PSG8: variants seen among roughly 807,000 people sequenced by gnomAD.
The protein encoded by PSG8 is pregnancy-specific beta-1-glycoprotein 8.
In PSG8, 57 loss-of-function variants were observed where a neutral mutation model predicts 42.5. The ratio of observed to expected loss-of-function variants is 1.34; its 90% CI spans 1.08 to 1.67. The LOEUF (loss-of-function observed/expected upper bound fraction) is 1.67, where lower values mean the gene tolerates loss of function less well. PSG8 is among the 40% of genes most tolerant of loss of function. The pLI, the probability that PSG8 is intolerant of heterozygous loss-of-function variation, is 0.00. For missense variants in PSG8, 783 were observed against 518.6 expected, an observed-to-expected ratio of 1.51 and a Z score of -4.95; for synonymous variants, 280 against 196.8, an observed-to-expected ratio of 1.42 and a Z score of -3.54.
rs149617852 is a variant in PSG8, at chr19:42,764,253, G to A, written c.93C>T (p.Pro31=). The change falls in exon 2 of 5, where the codon CCC becomes CCT. Residue 31 remains proline (P), a synonymous_variant. Coordinates refer to ENST00000306511, the MANE Select transcript of PSG8 (RefSeq NM_182707.3). The stretch of plus-strand genomic sequence containing the variant: ...CTTCAATCGTGACTTGGGCAGTCGT[G>A]GGTGGGTTCCAGAAGTTTAAAAGTG... ...TASLLNFWNP[P]TTAQVTIEAQ... 71 of 1,613,594 alleles carry A rather than the reference G, an allele frequency of 4.4e-5. 1 individual carries two copies. The highest frequency in any genetic ancestry group is 1.7e-4 in the Middle Eastern group (1 of 6,040).
At chr19:42,759,690 G>T (rs929794588) in intron 2 of PSG8, among the ~76,000 whole-genome samples, 6 of 152,194 alleles carry the variant, frequency 3.9e-5, no homozygotes, top group Middle Eastern at 3.4e-3. Flanking sequence ...AAGTTGTCAG[G>T]AGTTTAGACC....
intron 1 of PSG8, among the ~76,000 whole-genome samples, chr19:42,764,842 G>T (rs1043084118): frequency 5.3e-5 from 8 of 152,038 alleles, no homozygotes; most frequent in Non-Finnish European, 1.0e-4. Context: ...GACTCCTGTA[G>T]ATGTGAGAGT....
chr19:42,761,052 G>A (rs188679008), intron 2 of PSG8, among the ~76,000 whole-genome samples: 4 of 152,204 alleles, frequency 2.6e-5, no homozygotes, highest in East Asian at 3.9e-4. Flanking sequence ...AGTCATGGGC[G>A]AAATGAGCCC....
chr19:42,763,318 C>T (rs1429048986), intron 2 of PSG8, among the ~76,000 whole-genome samples: 1 of 152,154 alleles, frequency 6.6e-6, no homozygotes, highest in African/African-American at 2.4e-5. Context: ...GTCCTCTCCA[C>T]TCTGAGTGTC....
At chr19:42,764,590 C>T (rs1389394824) in intron 1 of PSG8, among the ~76,000 whole-genome samples, 1 of 152,032 alleles carries the variant, frequency 6.6e-6, no homozygotes, top group African/African-American at 2.4e-5. Context: ...CTCCACACTG[C>T]CCTCAGGTCC....
chr19:42,758,340 T>A, intron 2 of PSG8, 60 bp from the exon 3 acceptor site: 1 of 1,573,850 alleles, frequency 6.4e-7, no homozygotes, highest in Non-Finnish European at 8.6e-7. Flanking sequence ...TCCAAAGGCA[T>A]TTTTCAATCA....
chr19:42,760,697 C>G (rs2122264986), intron 2 of PSG8, among the ~76,000 whole-genome samples: 1 of 152,198 alleles, frequency 6.6e-6, no homozygotes, highest in Non-Finnish European at 1.5e-5. Flanking sequence ...ATTCTCCTGC[C>G]TCAGCCTCCC....
At position 42,764,104 on chromosome 19, in the gene PSG8, G is replaced by A. The variant is rs1970150613; in HGVS notation, c.242C>T (p.Ser81Leu). 3.7e-6 allele frequency: 6 copies of A among 1,613,806 alleles called. No homozygotes were observed. Among genetic ancestry groups the A allele is most frequent in the Non-Finnish European group, 5.1e-6 (6 of 1,179,828 alleles). Residue 81 changes from serine (S) to leucine (L), a missense_variant, in exon 2 of 5, where the codon TCA becomes TTA. Ser to Leu is a moderately radical substitution (Grantham distance 145). Coordinates refer to ENST00000306511, the MANE Select transcript of PSG8 (RefSeq NM_182707.3). ...AATTATTTGACCGTCTACTACATAT[G>A]ATGTAATGTAATGGTAGAGGTCCCT... ...QIRDLYHYIT[S>L]YVVDGQIIIY...
At chr19:42,755,939 G>T (rs1175255818) in intron 3 of PSG8, 3 of 154,308 alleles carry the variant, frequency 1.9e-5, no homozygotes, top group Non-Finnish European at 2.9e-5. Context: ...GAATGATCTA[G>T]AAAGAGTGAA....
At chr19:42,759,437 C>T (rs199831190) in intron 2 of PSG8, among the ~76,000 whole-genome samples, 2 of 152,136 alleles carry the variant, frequency 1.3e-5, no homozygotes, top group East Asian at 3.8e-4. Context: ...TAAAGTGCTC[C>T]TTATGCAGAA....
intron 2 of PSG8, among the ~76,000 whole-genome samples, chr19:42,759,279 C>G (rs1202267939): frequency 6.6e-6 from 1 of 152,008 alleles, no homozygotes; most frequent in Admixed American, 6.6e-5. Context: ...CAGTGGATTC[C>G]AGAGTGAATC....
rs146950952 is a variant in PSG8 at position 42,764,054 on chromosome 19, G to C, written c.292C>G (p.Arg98Gly). 6.2e-7 allele frequency: 1 copy of C among 1,613,704 alleles called. No individual in the cohort carries two copies. The highest frequency in any genetic ancestry group is 1.1e-5 in the South Asian group (1 of 91,060). ...GATGCATTGGAATATATTGTTTCTC[G>C]TCCACTGTATGCAGGCCCATATATA... ...IIIYGPAYSGRETIYSNASLL... is the reference protein window; with the variant it reads ...IIIYGPAYSGGETIYSNASLL... Residue 98 changes from arginine (R) to glycine (G), a missense_variant, in exon 2 of 5, where the codon CGA becomes GGA. Physicochemically the swap from Arg to Gly is moderately radical, Grantham distance 125. Transcript: ENST00000306511.
chr19:42,759,612 G>T (rs1267590331), intron 2 of PSG8, among the ~76,000 whole-genome samples: 1 of 152,050 alleles, frequency 6.6e-6, no homozygotes, highest in African/African-American at 2.4e-5. Flanking sequence ...TTGAGTTTTG[G>T]AGCATTTCAG....
Position 42,754,482 on chromosome 19 carries a change from G to C in PSG8, c.1094C>G (p.Ser365Cys). The change falls in exon 5 of 5, where the codon TCT becomes TGT. Residue 365 changes from serine to cysteine, a missense_variant. Transcript: ENST00000306511. The stretch of plus-strand genomic sequence containing the variant: ...CTGAAACTTCCCATTAATTGTCCAA[G>C]AATACTGTGCCGGTGGGTTAGAGTC... ...SADSNPPAQYSWTINGKFQLS... is the reference protein window; with the variant it reads ...SADSNPPAQYCWTINGKFQLS... 6.2e-7 allele frequency: 1 copy of C among 1,613,912 alleles called. No homozygotes were observed.
Position 42,754,433 on chromosome 19 carries a change from G to T in PSG8, c.1143C>A (p.Ile381=). 1 of 1,613,862 alleles carries T rather than the reference G, an allele frequency of 6.2e-7. No homozygotes were observed. The highest frequency in any genetic ancestry group is 8.5e-7 in the Non-Finnish European group (1 of 1,179,834). ...KFQLSGQKLF[I]PQITTKHSGL... ...CGCTATGCTTTGTAGTAATTTGGGG[G>T]ATAAAGAGCTTTTGTCCTGATAGCT... The change falls in exon 5 of 5, where the codon ATC becomes ATA. Residue 381 remains isoleucine, a synonymous_variant. Coordinates refer to ENST00000306511, the MANE Select transcript of PSG8 (RefSeq NM_182707.3).
In PSG8 at chr19:42,763,915, C is replaced by T. The variant is rs150385493; in HGVS notation, c.430+1G>A. On this transcript the variant is annotated splice_donor_variant, in intron 2 of 4. Transcript: ENST00000306511. LOFTEE classifies it high-confidence loss of function. The stretch of plus-strand genomic sequence containing the variant: ...CCCAGGGATCATGTGGAATCACTCA[C>T]GATATAAGGTGAAGGTGAAATGTCC... 6.6e-4 allele frequency: 1,061 copies of T among 1,613,590 alleles called. 6 individuals are homozygous for T. Among genetic ancestry groups the T allele is most frequent in the South Asian group, 9.8e-4 (89 of 91,046 alleles).
downstream of PSG8, chr19:42,752,900 G>C (rs1014026600): frequency 3.6e-6 from 1 of 276,432 alleles, no homozygotes; most frequent in African/African-American, 2.2e-5. Context: ...TGGGAGTCCT[G>C]TATGCAAGGT....
At chr19:42,758,405 G>C in intron 2 of PSG8, 125 bp from the exon 3 acceptor site, 1 of 1,518,916 alleles carries the variant, frequency 6.6e-7, no homozygotes, top group East Asian at 2.3e-5. Flanking sequence ...CCCATGGCAG[G>C]TGTGTGTGTT....
rs564966279 is a variant in PSG8 at position 42,754,799 on chromosome 19, C to T, written c.988+189G>A. 42 of 1,442,854 alleles carry T rather than the reference C, an allele frequency of 2.9e-5. No homozygotes were observed. In the African/African-American group the frequency reaches 5.3e-4, roughly 18 times the overall value. The allele number at this position is 1,442,854 out of a possible 1,614,324, so 89.4% of individuals were successfully genotyped here. ...CCAAGTCTCCCATGACAAGAGCGTC[C>T]ACTCCCCTTATACTCTTGGTTAAGG... is the stretch of plus-strand genomic sequence containing the variant. On this transcript the variant is annotated intron_variant, in intron 4 of 4. Coordinates refer to ENST00000306511, the MANE Select transcript of PSG8 (RefSeq NM_182707.3).
Sources: allele counts gnomAD v4.1 joint callset (sites outside exome capture counted in the v4.1 genomes callset), GRCh38; gene constraint gnomAD v4.1.1; transcripts MANE v1.5; gene names NCBI Gene and HGNC (gene_info 2026-07-23, HGNC 2026-07-21).